Variants in HTR4 observed in about 807,000 individuals in gnomAD.
The protein encoded by HTR4 is 5-hydroxytryptamine (serotonin) receptor 4, G protein-coupled.
A neutral mutation model predicts 36.8 loss-of-function variants in HTR4; 16 were observed. The observed-to-expected ratio is 0.43, with a 90% confidence interval of 0.29 to 0.66. HTR4 has a LOEUF of 0.66. Ranked by LOEUF, HTR4 falls within the 30% of genes least tolerant of loss-of-function variation. The probability of loss-of-function intolerance (pLI) is 0.13; values close to 1 mark genes in which losing one functional copy is unlikely to be tolerated. For synonymous variants in HTR4, 189 were observed against 185.1 expected (o/e 1.02, Z -0.17); for missense variants, 438 against 490.9 (o/e 0.89, Z 1.02).
chr5:148,544,655 AT>A (rs1189757083), intron 4 of HTR4, among the ~76,000 whole-genome samples: 2 of 152,200 alleles, frequency 1.3e-5, no homozygotes, highest in East Asian at 3.9e-4. Context: ...CCCATACTAT[AT>A]GGTGCATTTA....
chr5:148,532,939 G>A (rs1234755059), intron 4 of HTR4, among the ~76,000 whole-genome samples: 1 of 152,144 alleles, frequency 6.6e-6, no homozygotes, highest in East Asian at 1.9e-4. Context: ...GTGGATTGGA[G>A]AACACACTTT....
At chr5:148,485,740 A>G (rs1361438151) in intron 6 of HTR4, among the ~76,000 whole-genome samples, 1 of 152,212 alleles carries the variant, frequency 6.6e-6, no homozygotes, top group Non-Finnish European at 1.5e-5. Flanking sequence ...CGGAAGACAA[A>G]GAGAGGGGCC....
chr5:148,585,510 A>G (rs1761312550), intron 2 of HTR4, among the ~76,000 whole-genome samples: 2 of 152,188 alleles, frequency 1.3e-5, no homozygotes, highest in African/African-American at 4.8e-5. Context: ...TTGATATATG[A>G]ATATATCATT....
chr5:148,542,500 A>G (rs1759166088), intron 4 of HTR4, among the ~76,000 whole-genome samples: 1 of 152,204 alleles, frequency 6.6e-6, no homozygotes, highest in Non-Finnish European at 1.5e-5. Context: ...GAGACTAAGA[A>G]ACTGTTGGAG....
chr5:148,605,747 TA>T (rs879413660), intron 2 of HTR4, among the ~76,000 whole-genome samples: 4,307 of 143,968 alleles, frequency 0.03, 151 homozygotes, highest in African/African-American at 0.092. Flanking sequence ...TTCTGTGATT[TA>T]AAAAAAAAAA....
At chr5:148,650,760 G>A (rs1175795984) in intron 1 of HTR4, among the ~76,000 whole-genome samples, 1 of 152,116 alleles carries the variant, frequency 6.6e-6, no homozygotes. Context: ...ATGCCTTTGA[G>A]CTATTTCTGA....
At chr5:148,479,141 C>A (rs1755797520), downstream of HTR4, among the ~76,000 whole-genome samples, 2 of 152,128 alleles carry the variant, frequency 1.3e-5, 1 homozygote, top group South Asian at 4.1e-4. Flanking sequence ...GGATCCCCAT[C>A]CTCTGCTCAT....
At chr5:148,485,896 A>G (rs968046841) in intron 6 of HTR4, among the ~76,000 whole-genome samples, 2 of 152,216 alleles carry the variant, frequency 1.3e-5, no homozygotes, top group African/African-American at 4.8e-5. Flanking sequence ...ATGTTTCCGA[A>G]GGGCTACATT....
rs1196194538 is a variant in HTR4 at position 148,576,457 on chromosome 5, G to GA, written c.27-26196dup. Reference sequence around the variant, plus strand: ...CCCAATGATATTCTTCACAGAACTAGAAAAAAACTATTTTAAAATTTATAT... The same window carrying GA: ...CCCAATGATATTCTTCACAGAACTAGAAAAAAAACTATTTTAAAATTTATAT... On this transcript the variant is annotated intron_variant, in intron 2 of 6. Transcript: ENST00000377888. Among the ~76,000 whole-genome samples, 13 of 151,900 alleles carry GA rather than the reference G, an allele frequency of 8.6e-5. No individual in the cohort carries two copies. In the East Asian group the frequency reaches 2.1e-3, roughly 25 times the overall value.
intron 6 of HTR4, 63 bp from the exon 7 acceptor site, chr5:148,483,356 A>G (rs1561570796): frequency 1.4e-6 from 2 of 1,448,070 alleles, no homozygotes; most frequent in Non-Finnish European, 1.9e-6. Context: ...TCATCTCCTG[A>G]AAGAGCCCAC....
At chr5:148,589,984 C>T (rs577698788) in intron 2 of HTR4, among the ~76,000 whole-genome samples, 16 of 152,196 alleles carry the variant, frequency 1.1e-4, no homozygotes, top group African/African-American at 3.9e-4. Flanking sequence ...GTACCCTTTG[C>T]CCAACATCTC....
In HTR4 at chr5:148,523,363, G is replaced by A. The variant is rs988407598; in HGVS notation, c.354-17C>T. On this transcript the variant is annotated splice_polypyrimidine_tract_variant and intron_variant, in intron 4 of 6. Transcript: ENST00000377888. ...GCGTAATACCTGGAGAGAGAATAGA[G>A]GGCAGAGCATAGGCATGGGCAAGGA... 4 of 1,595,762 alleles carry A rather than the reference G, an allele frequency of 2.5e-6. No individual in the cohort carries two copies. The highest frequency in any genetic ancestry group is 3.4e-6 in the Non-Finnish European group (4 of 1,172,906).
At chr5:148,605,690 A>G (rs1160067583) in intron 2 of HTR4, among the ~76,000 whole-genome samples, 4 of 152,212 alleles carry the variant, frequency 2.6e-5, no homozygotes, top group South Asian at 2.1e-4. Flanking sequence ...AGTCAGGATC[A>G]TGTAACAGAT....
At chr5:148,571,120 A>G (rs1406050610) in intron 2 of HTR4, among the ~76,000 whole-genome samples, 2 of 152,098 alleles carry the variant, frequency 1.3e-5, no homozygotes, top group African/African-American at 4.8e-5. Flanking sequence ...ATTCTAGAAC[A>G]TCCTACCAGC....
intron 2 of HTR4, among the ~76,000 whole-genome samples, chr5:148,593,600 A>C (rs1448402156): frequency 1.3e-5 from 2 of 152,092 alleles, no homozygotes; most frequent in Admixed American, 1.3e-4. Flanking sequence ...CCTGAAATAA[A>C]CCTTCTAATT....
chr5:148,502,934 G>T (rs1674799250), intron 6 of HTR4, among the ~76,000 whole-genome samples: 1 of 152,162 alleles, frequency 6.6e-6, no homozygotes, highest in African/African-American at 2.4e-5. Flanking sequence ...GAGAAGAGAA[G>T]TTTAGAGACA....
At chr5:148,646,087 A>G (rs1753871040) in intron 1 of HTR4, 1 of 152,382 alleles carries the variant, frequency 6.6e-6, no homozygotes, top group East Asian at 1.9e-4. Context: ...TAAAAATCAC[A>G]TGGAAAACTG....
At chr5:148,616,687 AATAAT>A (rs1372843841) in intron 2 of HTR4, among the ~76,000 whole-genome samples, 1 of 152,258 alleles carries the variant, frequency 6.6e-6, no homozygotes, top group East Asian at 1.9e-4. Flanking sequence ...CACCAGAAAG[AATAAT>A]ATAATATAAA....
At chr5:148,491,812 T>C (rs556660869) in intron 6 of HTR4, among the ~76,000 whole-genome samples, 87 of 152,246 alleles carry the variant, frequency 5.7e-4, no homozygotes, top group Non-Finnish European at 1.1e-3. Flanking sequence ...TTCCTGATGA[T>C]CACTAAGGGA....
Sources: gnomAD v4.1 joint callset for allele counts (sites outside exome capture counted in the v4.1 genomes callset) on GRCh38, gnomAD v4.1.1 for gene constraint, MANE v1.5 for transcripts, NCBI Gene and HGNC (gene_info 2026-07-23, HGNC 2026-07-21) for gene names.